The following ARL8B variants were observed in gnomAD, a reference collection of about 807,000 sequenced individuals.
ARL8B encodes ARF like GTPase 8B, also known as ADP-ribosylation factor-like protein 8B.
ARL8B carries 9 observed loss-of-function variants against 30.6 expected under a neutral mutation model. The observed-to-expected ratio is 0.29, with a 90% CI of 0.18 to 0.51. The LOEUF (loss-of-function observed/expected upper bound fraction) is 0.51, where lower values mean the gene tolerates loss of function less well. Ranked by LOEUF, ARL8B falls within the 20% of genes least tolerant of loss-of-function variation. The probability of loss-of-function intolerance (pLI) is 0.97; values close to 1 mark genes in which losing one functional copy is unlikely to be tolerated. For synonymous variants in ARL8B, 74 were observed against 76.0 expected (o/e 0.97, Z 0.14); for missense variants, 130 against 227.2 (o/e 0.57, Z 2.75).
intron 1 of ARL8B, among the ~76,000 whole-genome samples, chr3:5,166,788 T>C (rs2054628481): frequency 6.6e-6 from 1 of 152,246 alleles, no homozygotes; most frequent in Non-Finnish European, 1.5e-5. Flanking sequence ...GTAGAAAATG[T>C]AGGTAAGTGC....
At chr3:5,123,937 G>C (rs1251751676) in intron 1 of ARL8B, among the ~76,000 whole-genome samples, 1 of 152,040 alleles carries the variant, frequency 6.6e-6, no homozygotes, top group Non-Finnish European at 1.5e-5. Flanking sequence ...GCAGTGGCGA[G>C]ATCTCAGCTC....
chr3:5,137,812 C>G (rs1376625948), intron 1 of ARL8B, among the ~76,000 whole-genome samples: 4 of 151,992 alleles, frequency 2.6e-5, no homozygotes, highest in Admixed American at 2.6e-4. Context: ...CTGGTTCAAA[C>G]TCCCGGCCTC....
At chr3:5,150,278 C>T (rs893308442) in intron 1 of ARL8B, among the ~76,000 whole-genome samples, 1 of 151,964 alleles carries the variant, frequency 6.6e-6, no homozygotes, top group Non-Finnish European at 1.5e-5. Context: ...GCCTGACTAA[C>T]ATGGTGAAAC....
intron 1 of ARL8B, among the ~76,000 whole-genome samples, chr3:5,157,363 C>T (rs768099638): frequency 2.0e-5 from 3 of 152,182 alleles, no homozygotes; most frequent in Non-Finnish European, 4.4e-5. Context: ...TTGATACTGT[C>T]TTAGTCTCCC....
At chr3:5,132,317 C>T (rs929860257) in intron 1 of ARL8B, among the ~76,000 whole-genome samples, 3 of 151,952 alleles carry the variant, frequency 2.0e-5, no homozygotes, top group South Asian at 2.1e-4. Context: ...TGCAGTGGCG[C>T]GATCTCGGCT....
intron 1 of ARL8B, among the ~76,000 whole-genome samples, chr3:5,137,087 C>T (rs116234406): frequency 1.4e-3 from 219 of 152,204 alleles, no homozygotes; most frequent in African/African-American, 4.8e-3. Context: ...TATGTGGGAT[C>T]AGGCAGGCCT....
intron 1 of ARL8B, among the ~76,000 whole-genome samples, chr3:5,159,224 C>T (rs543705446): frequency 2.0e-4 from 27 of 138,454 alleles, no homozygotes; most frequent in East Asian, 1.3e-3. Flanking sequence ...CCCCCGAGCC[C>T]GGGAGGTTGA....
intron 1 of ARL8B, among the ~76,000 whole-genome samples, chr3:5,159,621 AAAAAG>A (rs1382960845): frequency 2.0e-5 from 3 of 150,652 alleles, no homozygotes; most frequent in African/African-American, 7.4e-5. Flanking sequence ...AAAAAAAAAA[AAAAAG>A]AGAAAAAGAA....
chr3:5,174,220 A>T, intron 5 of ARL8B, 124 bp from the exon 6 acceptor site: 1 of 1,081,782 alleles, frequency 9.2e-7, no homozygotes, highest in South Asian at 1.4e-5. Context: ...GTGAATCCTA[A>T]CATTTTAGGA....
chr3:5,172,878 T>C (rs1415942652), intron 4 of ARL8B, 138 bp downstream of exon 4: 1 of 604,408 alleles, frequency 1.7e-6, no homozygotes, highest in Non-Finnish European at 2.9e-6. Flanking sequence ...GCTTACCATG[T>C]ATCTGCCATA....
chr3:5,162,908 C>T (rs1444060630), intron 1 of ARL8B, among the ~76,000 whole-genome samples: 2 of 151,808 alleles, frequency 1.3e-5, no homozygotes, highest in Admixed American at 6.6e-5. Flanking sequence ...TCAGTCCTTA[C>T]TCTCTCCCCA....
chr3:5,168,211 C>G (rs2054640591), intron 1 of ARL8B, among the ~76,000 whole-genome samples: 1 of 152,138 alleles, frequency 6.6e-6, no homozygotes, highest in African/African-American at 2.4e-5. Context: ...GTAGCTGGGA[C>G]TACAGGTGCA....
chr3:5,126,183 G>T (rs530007310), intron 1 of ARL8B, among the ~76,000 whole-genome samples: 1 of 151,804 alleles, frequency 6.6e-6, no homozygotes, highest in East Asian at 1.9e-4. Flanking sequence ...TGTTGAGGAT[G>T]TAGTGATTAA....
chr3:5,151,181 C>G (rs1348486046), intron 1 of ARL8B, among the ~76,000 whole-genome samples: 1 of 152,062 alleles, frequency 6.6e-6, no homozygotes, highest in Non-Finnish European at 1.5e-5. Context: ...ATTTACTGCT[C>G]TTACCATTGC....
intron 1 of ARL8B, among the ~76,000 whole-genome samples, chr3:5,140,631 T>A (rs1399149886): frequency 1.3e-5 from 2 of 152,070 alleles, no homozygotes; most frequent in Non-Finnish European, 2.9e-5. Context: ...GTCTCCAGAT[T>A]GCTTAAAACT....
chr3:5,134,488 G>A (rs2054308745), intron 1 of ARL8B, among the ~76,000 whole-genome samples: 1 of 152,206 alleles, frequency 6.6e-6, no homozygotes, highest in South Asian at 2.1e-4. Context: ...GGTTTGTATA[G>A]TGACTTTCTA....
chr3:5,123,969 G>T (rs2054206105), intron 1 of ARL8B, among the ~76,000 whole-genome samples: 1 of 152,120 alleles, frequency 6.6e-6, no homozygotes. Context: ...CACCTCCCAG[G>T]TTCAAGCGAT....
intron 4 of ARL8B, 41 bp downstream of exon 4, chr3:5,172,781 A>C: frequency 8.6e-7 from 1 of 1,156,458 alleles, no homozygotes; most frequent in Non-Finnish European, 1.3e-6. Context: ...GTAATTATAT[A>C]ATGATATTAA....
intron 1 of ARL8B, among the ~76,000 whole-genome samples, chr3:5,163,145 A>G (rs2054596121): frequency 6.6e-6 from 1 of 151,772 alleles, no homozygotes; most frequent in South Asian, 2.1e-4. Flanking sequence ...GTGCCACCAC[A>G]CCCAGCTAAT....
Sources: gnomAD v4.1 joint callset for allele counts (sites outside exome capture counted in the v4.1 genomes callset) on GRCh38, gnomAD v4.1.1 for gene constraint, MANE v1.5 for transcripts, NCBI Gene and HGNC (gene_info 2026-07-23, HGNC 2026-07-21) for gene names.